The following GALNT15 variants were observed in gnomAD, a reference collection of about 807,000 sequenced individuals.
GALNT15 encodes the protein polypeptide N-acetylgalactosaminyltransferase 15, also known as UDP-GalNAc transferase T15.
In GALNT15, 67 loss-of-function variants were observed where a neutral mutation model predicts 66.8. That is an observed-to-expected ratio of 1.00 (90% CI 0.82 to 1.23). The LOEUF (loss-of-function observed/expected upper bound fraction) is 1.23. Ranked by LOEUF, GALNT15 falls within the 50% of genes most tolerant of loss-of-function variation. The probability of loss-of-function intolerance (pLI) is 0.00; values close to 1 mark genes in which losing one functional copy is unlikely to be tolerated. For missense variants in GALNT15, 827 were observed against 804.3 expected (o/e 1.03, Z -0.34); for synonymous variants, 313 against 311.5 (o/e 1.00, Z -0.05).
intron 6 of GALNT15, among the ~76,000 whole-genome samples, chr3:16,216,803 G>T (rs1180641766): frequency 1.3e-5 from 2 of 152,210 alleles, no homozygotes; most frequent in Admixed American, 6.5e-5. Context: ...GGAAGGTCAT[G>T]TACCAGTTAA....
Position 16,195,787 on chromosome 3 carries a change from C to T in GALNT15, c.567C>T (p.Ser189=). The change falls in exon 2 of 10, where the codon AGC becomes AGT. Residue 189 remains serine, a synonymous_variant. Transcript: ENST00000339732. The surrounding 1 kb of genome is among the most constrained non-coding windows in gnomAD (Gnocchi z 4.6). The part of the protein sequence containing the change: ...PLCLQQHPQD[S]LPTASVILCF... The stretch of plus-strand genomic sequence containing the variant: ...GTCTGCAGCAGCACCCTCAGGACAG[C>T]CTGCCCACAGCCAGCGTCATCCTCT... 1 of 1,613,682 alleles carries T rather than the reference C, an allele frequency of 6.2e-7. No homozygotes were observed.
chr3:16,237,219 C>T, the GALNT15 span, among the ~76,000 whole-genome samples: 1 of 152,182 alleles, frequency 6.6e-6, no homozygotes, highest in Admixed American at 6.5e-5. This position sits in a 1 kb window ranked among gnomAD's most constrained non-coding sequence, Gnocchi z 4.2. Context: ...AAAGGGACTT[C>T]CAAAAGCAAG....
At chr3:16,235,456 A>T (rs2064120479), downstream of GALNT15, among the ~76,000 whole-genome samples, 1 of 152,238 alleles carries the variant, frequency 6.6e-6, no homozygotes, top group Non-Finnish European at 1.5e-5. Context: ...AGTATACCAT[A>T]GAAGTTAGGA....
At position 16,182,227 on chromosome 3, in the gene GALNT15, T is replaced by A. The variant is rs2063478977; in HGVS notation, c.539+6537T>A. On this transcript the variant is annotated intron_variant, in intron 1 of 9. Coordinates refer to ENST00000339732, the MANE Select transcript of GALNT15 (RefSeq NM_054110.5). The surrounding 1 kb of genome is among the most constrained non-coding windows in gnomAD (Gnocchi z 6.1). ...AACCTACTAGATGAAATCTCTACTT[T>A]AACAGGATCCCTAGGTGATTTCCAT... Among the ~76,000 whole-genome samples, 1 of 152,098 alleles carries A rather than the reference T, an allele frequency of 6.6e-6. No homozygotes were observed. The highest frequency in any genetic ancestry group is 6.6e-5 in the Admixed American group (1 of 15,260).
chr3:16,199,836 C>T (rs2063680032), intron 2 of GALNT15, among the ~76,000 whole-genome samples: 1 of 152,150 alleles, frequency 6.6e-6, no homozygotes, highest in African/African-American at 2.4e-5. Flanking sequence ...TTTAATACCC[C>T]AAGGCAAGTC....
In GALNT15 at chr3:16,190,571, G is replaced by A. The variant is rs188380401; in HGVS notation, c.540-5189G>A. ...GAGAATGGCGTGAGCCCGGGAGGCGGAGCTTGCAGTGAGCCAAGATCGCGC... is the reference window on the plus strand; with the variant it reads ...GAGAATGGCGTGAGCCCGGGAGGCGAAGCTTGCAGTGAGCCAAGATCGCGC... On this transcript the variant is annotated intron_variant, in intron 1 of 9. Transcript: ENST00000339732. Among the ~76,000 whole-genome samples the A allele has an allele frequency of 2.6e-3, 391 of 151,580 alleles. 1 individual carries two copies. The highest frequency in any genetic ancestry group is 8.8e-3 in the African/African-American group (363 of 41,340).
chr3:16,185,785 AGATAGATG>A, intron 1 of GALNT15, among the ~76,000 whole-genome samples: 1 of 127,842 alleles, frequency 7.8e-6, no homozygotes, highest in African/African-American at 2.9e-5. Context: ...ATAGATAGAT[AGATAGATG>A]ATAGATTATA....
At chr3:16,210,644 A>G (rs570415079) in intron 4 of GALNT15, among the ~76,000 whole-genome samples, 1 of 152,324 alleles carries the variant, frequency 6.6e-6, no homozygotes, top group South Asian at 2.1e-4. Context: ...ATCTGCTTCC[A>G]GGGTCCCTGG....
the GALNT15 span, among the ~76,000 whole-genome samples, chr3:16,245,476 C>A: frequency 6.6e-6 from 1 of 152,282 alleles, no homozygotes; most frequent in Non-Finnish European, 1.5e-5. Context: ...GGGAATCCTG[C>A]CACAGGGCCC....
intron 4 of GALNT15, among the ~76,000 whole-genome samples, chr3:16,210,733 G>C (rs1033792768): frequency 6.6e-6 from 1 of 152,196 alleles, no homozygotes; most frequent in Non-Finnish European, 1.5e-5. Flanking sequence ...AAGGAGGAAA[G>C]AGCCTGACCA....
intron 1 of GALNT15, among the ~76,000 whole-genome samples, chr3:16,178,456 C>T (rs575930560): frequency 3.9e-5 from 6 of 152,318 alleles, no homozygotes; most frequent in South Asian, 4.1e-4. Context: ...TCTCCAATCC[C>T]CAGCTTGCCA....
At chr3:16,218,443 T>TA (rs1282810017) in intron 6 of GALNT15, among the ~76,000 whole-genome samples, 2 of 152,212 alleles carry the variant, frequency 1.3e-5, no homozygotes, top group African/African-American at 4.8e-5. Flanking sequence ...AACTTTTGGA[T>TA]ACAGTTCTTT....
At chr3:16,238,590 A>G in the GALNT15 span, among the ~76,000 whole-genome samples, 1 of 152,110 alleles carries the variant, frequency 6.6e-6, no homozygotes, top group Non-Finnish European at 1.5e-5. This position sits in a 1 kb window ranked among gnomAD's most constrained non-coding sequence, Gnocchi z 4.8. Flanking sequence ...ATCTCATTTT[A>G]TAGTTGAAGG....
intron 1 of GALNT15, among the ~76,000 whole-genome samples, chr3:16,192,925 T>A (rs1375104193): frequency 6.6e-6 from 1 of 152,232 alleles, no homozygotes; most frequent in African/African-American, 2.4e-5. Flanking sequence ...AAATAAGTGT[T>A]AGATGGGTGT....
rs2730355 is a variant in GALNT15, at chr3:16,187,451, G to A, written c.540-8309G>A. Among the ~76,000 whole-genome samples the A allele has an allele frequency of 0.1, 15,732 of 152,204 alleles. 1,149 individuals carry two copies. Among genetic ancestry groups the A allele is most frequent in the Non-Finnish European group, 0.15 (10,479 of 68,012 alleles). Reference sequence around the variant, plus strand: ...CTCTCAGACCTGGCAGCTGATGCTGGTCCTCAGCTGGGGCACTTTAGTTTT... The same window carrying A: ...CTCTCAGACCTGGCAGCTGATGCTGATCCTCAGCTGGGGCACTTTAGTTTT... On this transcript the variant is annotated intron_variant, in intron 1 of 9. Transcript: ENST00000339732. The surrounding 1 kb of genome is among the most constrained non-coding windows in gnomAD (Gnocchi z 5.1).
chr3:16,205,575 A>C (rs2063747952), intron 3 of GALNT15, among the ~76,000 whole-genome samples: 1 of 152,224 alleles, frequency 6.6e-6, no homozygotes, highest in South Asian at 2.1e-4. Flanking sequence ...CGAAGTAAGC[A>C]GACACTTCCA....
chr3:16,196,268 T>G (rs2063636315), intron 2 of GALNT15, among the ~76,000 whole-genome samples: 1 of 152,040 alleles, frequency 6.6e-6, no homozygotes, highest in Non-Finnish European at 1.5e-5. Flanking sequence ...AAGAATCACA[T>G]AGGGCGGCCC....
downstream of GALNT15, among the ~76,000 whole-genome samples, chr3:16,233,758 A>T (rs1262922235): frequency 2.0e-5 from 3 of 152,104 alleles, no homozygotes; most frequent in African/African-American, 7.2e-5. Flanking sequence ...AATTTCTCCA[A>T]AGGATTTTTA....
the GALNT15 span, among the ~76,000 whole-genome samples, chr3:16,237,903 G>A: frequency 6.6e-6 from 1 of 152,140 alleles, no homozygotes; most frequent in African/African-American, 2.4e-5. This position sits in a 1 kb window ranked among gnomAD's most constrained non-coding sequence, Gnocchi z 4.2. Context: ...CAGCTTGTCA[G>A]GTATTCAGGA....
Sources: gnomAD v4.1 joint callset for allele counts (sites outside exome capture counted in the v4.1 genomes callset) on GRCh38, gnomAD v4.1.1 for gene constraint, Gnocchi (gnomAD v3.1) non-coding constraint, MANE v1.5 for transcripts, NCBI Gene and HGNC (gene_info 2026-07-23, HGNC 2026-07-21) for gene names.